Variants in RNF150 observed in about 807,000 individuals in gnomAD.
The protein encoded by RNF150 is ring finger protein 150.
Under a neutral mutation model 39.3 loss-of-function variants are expected in RNF150, and 24 were observed. The ratio of observed to expected loss-of-function variants is 0.61; its 90% confidence interval spans 0.44 to 0.86. The LOEUF is 0.86. Among genes scored for constraint, RNF150 ranks in the 40% least tolerant of loss-of-function variants. The pLI is 0.00. For missense variants in RNF150, 502 were observed against 587.8 expected, an observed-to-expected ratio of 0.85 and a Z score of 1.51; for synonymous variants, 255 against 227.3, an observed-to-expected ratio of 1.12 and a Z score of -1.10.
intron 1 of RNF150, among the ~76,000 whole-genome samples, chr4:141,153,904 G>C (rs1018315009): frequency 2.6e-5 from 4 of 152,196 alleles, no homozygotes; most frequent in African/African-American, 9.7e-5. Flanking sequence ...ATGGCTAAGA[G>C]AGCAGGCTCT....
At chr4:141,005,369 G>C (rs1043403527) in intron 1 of RNF150, among the ~76,000 whole-genome samples, 1 of 152,158 alleles carries the variant, frequency 6.6e-6, no homozygotes, top group East Asian at 1.9e-4. Flanking sequence ...AAAGAGAAAA[G>C]AGAAGGTGGC....
intron 1 of RNF150, among the ~76,000 whole-genome samples, chr4:140,974,815 A>G (rs1733601960): frequency 6.6e-6 from 1 of 152,052 alleles, no homozygotes; most frequent in African/African-American, 2.4e-5. Flanking sequence ...ATCCATTTAT[A>G]TTTTATCCCA....
chr4:141,079,827 G>C (rs1159208039), intron 1 of RNF150, among the ~76,000 whole-genome samples: 1 of 152,206 alleles, frequency 6.6e-6, no homozygotes, highest in South Asian at 2.1e-4. Flanking sequence ...CGAACTCCAG[G>C]CCCTGGAGCC....
intron 1 of RNF150, among the ~76,000 whole-genome samples, chr4:141,041,994 C>G (rs984020874): frequency 9.2e-5 from 14 of 152,020 alleles, no homozygotes; most frequent in Non-Finnish European, 1.6e-4. Flanking sequence ...TATATAATCA[C>G]AGGTCTCACT....
chr4:141,121,349 G>A (rs1412076083), intron 1 of RNF150, among the ~76,000 whole-genome samples: 2 of 152,160 alleles, frequency 1.3e-5, no homozygotes, highest in Non-Finnish European at 2.9e-5. Context: ...TCAGGGCTCA[G>A]AACCAGGTCA....
chr4:141,070,061 C>T (rs1170925208), intron 1 of RNF150, among the ~76,000 whole-genome samples: 1 of 152,102 alleles, frequency 6.6e-6, no homozygotes, highest in East Asian at 1.9e-4. Flanking sequence ...CTATTTCCTT[C>T]AGTTCTGCTC....
At chr4:141,061,349 A>G (rs558051602) in intron 1 of RNF150, among the ~76,000 whole-genome samples, 1 of 152,282 alleles carries the variant, frequency 6.6e-6, no homozygotes, top group Non-Finnish European at 1.5e-5. Context: ...TTGTTCACAC[A>G]TTGGAGATAA....
intron 1 of RNF150, among the ~76,000 whole-genome samples, chr4:141,099,243 G>A (rs1738916406): frequency 6.6e-6 from 1 of 152,088 alleles, no homozygotes; most frequent in Non-Finnish European, 1.5e-5. Flanking sequence ...CTTTGGTGGG[G>A]CAGAAAATGA....
chr4:140,944,199 A>T (rs768814782), intron 4 of RNF150, among the ~76,000 whole-genome samples: 11 of 152,200 alleles, frequency 7.2e-5, no homozygotes. Context: ...TAAAAATCAT[A>T]ATCACAAATA....
chr4:141,106,749 G>A (rs537341200), intron 1 of RNF150, among the ~76,000 whole-genome samples: 37 of 152,112 alleles, frequency 2.4e-4, no homozygotes, highest in South Asian at 6.2e-4. Flanking sequence ...AGCTGACATC[G>A]TGCCATTGCA....
chr4:141,153,698 G>T (rs1159526415), intron 1 of RNF150, among the ~76,000 whole-genome samples: 1 of 152,122 alleles, frequency 6.6e-6, no homozygotes, highest in Non-Finnish European at 1.5e-5. Context: ...GTTTCAAATG[G>T]TCCAGAAGGA....
intron 5 of RNF150, among the ~76,000 whole-genome samples, chr4:140,918,990 T>G (rs1301389318): frequency 1.3e-5 from 2 of 152,040 alleles, no homozygotes; most frequent in African/African-American, 4.8e-5. Flanking sequence ...CAACAACCAT[T>G]CATGCTAAAA....
chr4:140,886,502 C>G (rs906430675), intron 6 of RNF150, among the ~76,000 whole-genome samples: 1 of 152,198 alleles, frequency 6.6e-6, no homozygotes, highest in African/African-American at 2.4e-5. Context: ...GTTCTGAATG[C>G]AAATTCTTTA....
intron 1 of RNF150, among the ~76,000 whole-genome samples, chr4:141,202,261 C>A (rs1023939975): frequency 6.6e-5 from 10 of 152,220 alleles, no homozygotes; most frequent in African/African-American, 2.4e-4. Flanking sequence ...CATGTACCAT[C>A]TCACTGTTGT....
chr4:141,090,126 G>C (rs1174866529), intron 1 of RNF150, among the ~76,000 whole-genome samples: 1 of 152,180 alleles, frequency 6.6e-6, no homozygotes, highest in Non-Finnish European at 1.5e-5. Context: ...CTTCTTACTA[G>C]TCCCAGGGGG....
intron 1 of RNF150, among the ~76,000 whole-genome samples, chr4:141,063,470 C>G (rs993317910): frequency 2.0e-5 from 3 of 152,092 alleles, no homozygotes; most frequent in Admixed American, 1.3e-4. Context: ...TATGGTAAAG[C>G]TACTATTTCC....
At chr4:140,883,627 TCTGC>T in intron 6 of RNF150, among the ~76,000 whole-genome samples, 1 of 152,326 alleles carries the variant, frequency 6.6e-6, no homozygotes, top group Middle Eastern at 3.4e-3. Flanking sequence ...CTATAAGGTT[TCTGC>T]TAAGAAATCT....
rs140386234 is a variant in RNF150, at chr4:141,199,911, C to T, written c.-6+12883G>A. On this transcript the variant is annotated intron_variant, in intron 1 of 7. Transcript: ENST00000420921. ...ATAAACTCAATTTTTAGTAGAATGC[C>T]CTCAATATTTATAGTGGGTAAATAA... 2.8e-4 allele frequency among the ~76,000 whole-genome samples: 42 copies of T among 152,124 alleles called. No homozygotes were observed. The South Asian group carries it at 2.9e-3, about 11-fold the overall frequency.
At chr4:141,044,556 TTTAGAAGTGAAAAAGA>T in intron 1 of RNF150, among the ~76,000 whole-genome samples, 2 of 152,218 alleles carry the variant, frequency 1.3e-5, no homozygotes, top group Admixed American at 1.3e-4. Context: ...ACATTATTAT[TTTAGAAGTGAAAAAGA>T]AAATGGCAGG....
Sources: gnomAD v4.1 joint callset for allele counts (sites outside exome capture counted in the v4.1 genomes callset) on GRCh38, gnomAD v4.1.1 for gene constraint, MANE v1.5 for transcripts, NCBI Gene and HGNC (gene_info 2026-07-23, HGNC 2026-07-21) for gene names.